Variants in CLIC4 observed in about 807,000 individuals in gnomAD.
The protein encoded by CLIC4 is CLIC family member 4, also known as chloride intracellular channel protein 4.
A neutral mutation model predicts 24.6 loss-of-function variants in CLIC4; 13 were observed. The ratio of observed to expected loss-of-function variants is 0.53; its 90% confidence interval spans 0.34 to 0.84. The LOEUF is 0.84. Ranked by LOEUF, CLIC4 falls within the 40% of genes least tolerant of loss-of-function variation. The pLI, the probability that CLIC4 is intolerant of heterozygous loss-of-function variation, is 0.01. For synonymous variants in CLIC4, 104 were observed against 111.3 expected (o/e 0.93, Z 0.41); for missense variants, 227 against 301.7 (o/e 0.75, Z 1.83).
Position 24,844,166 on chromosome 1 carries a change from G to A in CLIC4, c.*3229G>A, listed in dbSNP as rs1639970150. ...TAATTTCTTGAACAGGCAAATGAAA[G>A]CTTATTATAGAATGCATGTATTTTC... On this transcript the variant is annotated 3_prime_UTR_variant, in exon 6 of 6. Transcript: ENST00000374379. The A allele has an allele frequency of 6.6e-6, 1 of 152,582 alleles. No individual in the cohort carries two copies. Among genetic ancestry groups the A allele is most frequent in the Non-Finnish European group, 1.5e-5 (1 of 68,014 alleles). 9.5% of individuals were successfully genotyped at this position (152,582 alleles called of 1,614,324 possible). A position where few individuals can be genotyped will look rare whatever the true frequency, so the allele number is the denominator to read the frequency against.
At chr1:24,814,980 C>T (rs1388059848) in intron 3 of CLIC4, among the ~76,000 whole-genome samples, 1 of 152,030 alleles carries the variant, frequency 6.6e-6, no homozygotes, top group Admixed American at 6.6e-5. Flanking sequence ...ATGGAGGGTT[C>T]TAAAATAATT....
intron 1 of CLIC4, among the ~76,000 whole-genome samples, chr1:24,774,633 A>C (rs1465024841): frequency 6.6e-6 from 1 of 152,054 alleles, no homozygotes; most frequent in African/African-American, 2.4e-5. Context: ...TCTCTACAAA[A>C]AATTGAAAAA....
chr1:24,768,620 A>G (rs1485481106), intron 1 of CLIC4, among the ~76,000 whole-genome samples: 1 of 152,212 alleles, frequency 6.6e-6, no homozygotes, highest in African/African-American at 2.4e-5. Flanking sequence ...AGCTTAAAAC[A>G]TTAACATGTC....
chr1:24,820,761 A>G (rs969639926), intron 3 of CLIC4, among the ~76,000 whole-genome samples: 2 of 152,220 alleles, frequency 1.3e-5, no homozygotes, highest in African/African-American at 2.4e-5. Flanking sequence ...TATTGTCTGA[A>G]GTGCTTATTA....
chr1:24,795,918 A>G (rs1463816946), intron 1 of CLIC4, among the ~76,000 whole-genome samples: 1 of 152,138 alleles, frequency 6.6e-6, no homozygotes, highest in Non-Finnish European at 1.5e-5. Context: ...GTACACCTAC[A>G]AGTTTCCCTT....
At chr1:24,763,965 T>G (rs1198096682) in intron 1 of CLIC4, among the ~76,000 whole-genome samples, 1 of 152,234 alleles carries the variant, frequency 6.6e-6, no homozygotes, top group Non-Finnish European at 1.5e-5. Context: ...GTAGATTGTC[T>G]GCCTCATAAT....
intron 1 of CLIC4, among the ~76,000 whole-genome samples, chr1:24,767,658 G>A (rs1364711065): frequency 1.3e-5 from 2 of 152,106 alleles, no homozygotes; most frequent in Non-Finnish European, 2.9e-5. Context: ...ATCGGCCTCA[G>A]CAGCTCTTGC....
intron 1 of CLIC4, among the ~76,000 whole-genome samples, chr1:24,767,511 A>G (rs750711639): frequency 1.3e-5 from 2 of 152,190 alleles, no homozygotes; most frequent in Non-Finnish European, 2.9e-5. Context: ...TTCTTTATCA[A>G]AAGAGCAGGG....
rs1639421730 is a variant in CLIC4, at chr1:24,797,827, G to C, written c.158G>C (p.Ser53Thr). The C allele has an allele frequency of 1.2e-6, 2 of 1,612,908 alleles. No homozygotes were observed. The highest frequency in any genetic ancestry group is 1.7e-6 in the Non-Finnish European group (2 of 1,179,580). ...MILWLKGVVFSVTTVDLKRKP... is the reference protein window; with the variant it reads ...MILWLKGVVFTVTTVDLKRKP... ...CTTTGGCTCAAAGGAGTTGTATTTA[G>C]TGTGACGACTGTTGACCTGAAAAGG... The change falls in exon 2 of 6, where the codon AGT (serine) becomes ACT (threonine). Residue 53 changes from serine to threonine, a missense_variant. Ser to Thr is a moderately conservative substitution (Grantham distance 58, BLOSUM62 1). Coordinates refer to ENST00000374379, the MANE Select transcript of CLIC4 (RefSeq NM_013943.3).
At chr1:24,840,135 A>G (rs1639927826) in intron 5 of CLIC4, 94 bp downstream of exon 5, 6 of 1,216,752 alleles carry the variant, frequency 4.9e-6, no homozygotes, top group Admixed American at 2.1e-5. Flanking sequence ...TTCTGATTTT[A>G]TATGACTAGT....
At chr1:24,839,009 G>GT (rs1185296804) in intron 4 of CLIC4, among the ~76,000 whole-genome samples, 2 of 152,118 alleles carry the variant, frequency 1.3e-5, no homozygotes, top group Non-Finnish European at 2.9e-5. Context: ...TGACCTTTGT[G>GT]TTTTTTGTAT....
intron 1 of CLIC4, among the ~76,000 whole-genome samples, chr1:24,783,368 T>C (rs912501749): frequency 7.9e-5 from 12 of 152,040 alleles, no homozygotes; most frequent in South Asian, 2.1e-4. Context: ...CTTTTTTTTT[T>C]CCCCTGACAC....
chr1:24,799,235 G>A (rs1311057261), intron 2 of CLIC4, among the ~76,000 whole-genome samples: 1 of 151,488 alleles, frequency 6.6e-6, no homozygotes, highest in African/African-American at 2.4e-5. Flanking sequence ...TCACATCTAG[G>A]AAGTGAGGAG....
chr1:24,762,114 A>G (rs1265655892), intron 1 of CLIC4, among the ~76,000 whole-genome samples: 1 of 152,144 alleles, frequency 6.6e-6, no homozygotes, highest in Non-Finnish European at 1.5e-5. Context: ...CACATAGAAT[A>G]TTTGGTATTT....
At chr1:24,775,155 T>G (rs773986178) in intron 1 of CLIC4, among the ~76,000 whole-genome samples, 3 of 151,898 alleles carry the variant, frequency 2.0e-5, no homozygotes, top group African/African-American at 4.8e-5. Context: ...AATTATTATT[T>G]CCTTGTATGC....
chr1:24,825,032 A>G (rs1639773711), intron 3 of CLIC4, among the ~76,000 whole-genome samples: 1 of 151,754 alleles, frequency 6.6e-6, no homozygotes, highest in South Asian at 2.1e-4. Flanking sequence ...ACACACACAC[A>G]CACACACAAA....
intron 2 of CLIC4, among the ~76,000 whole-genome samples, chr1:24,798,708 C>G (rs1045903468): frequency 2.0e-5 from 3 of 152,158 alleles, no homozygotes; most frequent in East Asian, 1.9e-4. Context: ...CATGCGGAGC[C>G]GAAGCTGGAC....
chr1:24,772,148 G>A (rs538979319), intron 1 of CLIC4, among the ~76,000 whole-genome samples: 6 of 152,212 alleles, frequency 3.9e-5, no homozygotes, highest in African/African-American at 1.2e-4. Context: ...TCTTTGACCC[G>A]AAAGAATATA....
intron 1 of CLIC4, among the ~76,000 whole-genome samples, chr1:24,791,199 G>C (rs1168645810): frequency 6.6e-6 from 1 of 152,132 alleles, no homozygotes; most frequent in Non-Finnish European, 1.5e-5. Flanking sequence ...AGATGCTATT[G>C]TTAGATAACT....
Sources: allele counts gnomAD v4.1 joint callset (sites outside exome capture counted in the v4.1 genomes callset), GRCh38; gene constraint gnomAD v4.1.1; transcripts MANE v1.5; gene names NCBI Gene and HGNC (gene_info 2026-07-23, HGNC 2026-07-21).